NCKAP5: variants seen among roughly 807,000 people sequenced by gnomAD.
NCKAP5 encodes the protein NCK associated protein 5.
In NCKAP5, 92 loss-of-function variants were observed where a neutral mutation model predicts 167.0. The observed-to-expected ratio is 0.55, with a 90% CI of 0.47 to 0.66. The LOEUF is 0.66. NCKAP5 is among the 30% of genes least tolerant of loss of function. The pLI is 0.00. For missense variants in NCKAP5, 2,378 were observed against 2,315.0 expected (o/e 1.03, Z -0.56); for synonymous variants, 891 against 877.4 (o/e 1.02, Z -0.27).
At chr2:133,441,094 TCACACACACA>T (rs56053040) in intron 3 of NCKAP5, among the ~76,000 whole-genome samples, 566 of 149,734 alleles carry the variant, frequency 3.8e-3, no homozygotes, top group African/African-American at 0.013. Flanking sequence ...ACACACACAC[TCACACACACA>T]CACACACACA....
chr2:133,548,067 A>G (rs1686908601), intron 2 of NCKAP5, among the ~76,000 whole-genome samples: 1 of 147,106 alleles, frequency 6.8e-6, no homozygotes, highest in Non-Finnish European at 1.5e-5. Flanking sequence ...AGGCTTGAGA[A>G]CTACGTGAAG....
chr2:132,786,205 A>G (rs891934296), intron 13 of NCKAP5, among the ~76,000 whole-genome samples: 1 of 151,976 alleles, frequency 6.6e-6, no homozygotes, highest in Non-Finnish European at 1.5e-5. Context: ...CAGGTGGGAG[A>G]AATGGGGTGG....
At chr2:133,491,921 A>C (rs1681482957) in intron 3 of NCKAP5, among the ~76,000 whole-genome samples, 1 of 152,196 alleles carries the variant, frequency 6.6e-6, no homozygotes, top group Admixed American at 6.5e-5. Context: ...TTTGCAATAA[A>C]TCTGTGTATA....
chr2:133,058,056 T>G (rs576834309), intron 6 of NCKAP5, among the ~76,000 whole-genome samples: 4 of 152,314 alleles, frequency 2.6e-5, no homozygotes, highest in South Asian at 2.1e-4. Context: ...AAAGCCTGGA[T>G]AATGGCACAT....
intron 19 of NCKAP5, among the ~76,000 whole-genome samples, chr2:132,724,315 T>G (rs1430634): frequency 0.2 from 30,725 of 152,230 alleles, 3,643 homozygotes; most frequent in Non-Finnish European, 0.28. Flanking sequence ...TGATATCTAT[T>G]GTTTACTATC....
intron 19 of NCKAP5, among the ~76,000 whole-genome samples, chr2:132,691,695 A>G (rs1246787194): frequency 2.4e-4 from 37 of 152,190 alleles, no homozygotes; most frequent in Non-Finnish European, 8.8e-5. Context: ...ACCATAAATC[A>G]CAAATGACAT....
chr2:132,725,480 T>G (rs1690360053), intron 19 of NCKAP5, 147 bp downstream of exon 19: 1 of 956,178 alleles, frequency 1.0e-6, no homozygotes, highest in African/African-American at 1.7e-5. Flanking sequence ...GACAATCTTC[T>G]GTATGTACCA....
intron 16 of NCKAP5, among the ~76,000 whole-genome samples, chr2:132,732,634 A>G (rs1691140360): frequency 1.3e-5 from 2 of 152,258 alleles, no homozygotes; most frequent in South Asian, 4.1e-4. Flanking sequence ...CAGTCATTAG[A>G]GACCAAATTG....
At chr2:133,612,097 G>T in the NCKAP5 span, among the ~76,000 whole-genome samples, 2 of 152,122 alleles carry the variant, frequency 1.3e-5, no homozygotes, top group African/African-American at 2.4e-5. Context: ...GCCATTGATA[G>T]GATACAATAG....
chr2:132,687,756 C>CACACACACACACACACACA (rs1558922334), intron 19 of NCKAP5, among the ~76,000 whole-genome samples: 1 of 139,504 alleles, frequency 7.2e-6, no homozygotes, highest in African/African-American at 3.3e-5. Flanking sequence ...CACACACACA[C>CACACACACACACACACACA]CCTTCCTCTG....
chr2:133,013,360 C>A (rs757245074), intron 6 of NCKAP5, among the ~76,000 whole-genome samples: 5 of 152,160 alleles, frequency 3.3e-5, no homozygotes, highest in Non-Finnish European at 7.3e-5. Context: ...TGAGACTGGG[C>A]AATTTACAAA....
At chr2:133,495,328 G>A (rs568291936) in intron 3 of NCKAP5, among the ~76,000 whole-genome samples, 64 of 152,194 alleles carry the variant, frequency 4.2e-4, no homozygotes, top group African/African-American at 1.4e-3. Context: ...ATATTTTACA[G>A]AGTTTGACCT....
intron 11 of NCKAP5, among the ~76,000 whole-genome samples, chr2:132,820,691 C>T (rs1362665374): frequency 3.9e-5 from 6 of 152,164 alleles, no homozygotes; most frequent in African/African-American, 9.7e-5. Context: ...GTAACACATC[C>T]TTTTAAATGG....
rs1488838871 is a variant in NCKAP5 at position 132,784,875 on chromosome 2, G to A, written c.1936C>T (p.Pro646Ser). Residue 646 changes from proline to serine, a missense_variant, in exon 14 of 20, where the codon CCA becomes TCA. Coordinates refer to ENST00000409261, the MANE Select transcript of NCKAP5 (RefSeq NM_207363.3). ...KQVPIPSETR[P>S]KTFSFIKQQR... is the part of the protein sequence containing the mutation. ...TGCTTAATGAAACTAAAAGTCTTTG[G>A]CCTAGTCTCTGAAGGGATGGGCACT... The A allele has an allele frequency of 6.4e-7, 1 of 1,562,256 alleles. No homozygotes were observed. Among genetic ancestry groups the A allele is most frequent in the Non-Finnish European group, 8.7e-7 (1 of 1,155,336 alleles).
intron 6 of NCKAP5, among the ~76,000 whole-genome samples, chr2:133,059,418 T>TG (rs2079915836): frequency 6.6e-6 from 1 of 152,158 alleles, no homozygotes; most frequent in African/African-American, 2.4e-5. Flanking sequence ...GGCTCATTCC[T>TG]GTGATCCCAG....
intron 4 of NCKAP5, among the ~76,000 whole-genome samples, chr2:133,283,313 G>A (rs1251640122): frequency 1.3e-5 from 2 of 152,050 alleles, no homozygotes; most frequent in Non-Finnish European, 2.9e-5. Context: ...GGAAGCTTTT[G>A]TTCCTTTGTT....
At chr2:132,862,560 G>A (rs16842700) in intron 10 of NCKAP5, among the ~76,000 whole-genome samples, 1,581 of 152,144 alleles carry the variant, frequency 0.01, 21 homozygotes, top group African/African-American at 0.037. Context: ...AAATTAAAAG[G>A]TGCAACTTCA....
intron 4 of NCKAP5, among the ~76,000 whole-genome samples, chr2:133,264,174 A>G (rs2089061783): frequency 6.6e-6 from 1 of 152,198 alleles, no homozygotes; most frequent in African/African-American, 2.4e-5. Flanking sequence ...CATTCCAGTA[A>G]CTAAGCTTCA....
intron 5 of NCKAP5, among the ~76,000 whole-genome samples, chr2:133,171,564 G>T (rs1417511176): frequency 6.6e-6 from 1 of 152,132 alleles, no homozygotes; most frequent in African/African-American, 2.4e-5. Flanking sequence ...AACTCAACTA[G>T]GATTATGGAT....
Sources: allele counts gnomAD v4.1 joint callset (sites outside exome capture counted in the v4.1 genomes callset), GRCh38; gene constraint gnomAD v4.1.1; transcripts MANE v1.5; gene names NCBI Gene and HGNC (gene_info 2026-07-23, HGNC 2026-07-21).